Variants in FAM83C observed in about 807,000 individuals in gnomAD.
FAM83C encodes the protein protein FAM83C.
FAM83C carries 23 observed loss-of-function variants against 27.1 expected under a neutral mutation model. The observed-to-expected ratio is 0.85, with a 90% CI of 0.61 to 1.20. The LOEUF (loss-of-function observed/expected upper bound fraction) is 1.20, where lower values mean the gene tolerates loss of function less well. Ranked by LOEUF, FAM83C falls within the 50% of genes most tolerant of loss-of-function variation. FAM83C has a pLI of 0.00. For missense variants in FAM83C, 984 were observed against 1,001.3 expected, an observed-to-expected ratio of 0.98 and a Z score of 0.23; for synonymous variants, 426 against 423.1, an observed-to-expected ratio of 1.01 and a Z score of -0.09.
In FAM83C at chr20:35,286,394, A is replaced by T; in HGVS notation, c.*141T>A. ...GTGTGTGTGTGTGTGTGTACACAAGAATCTTGAGCCCAGAGAGTGTGTCTG... is the reference window on the plus strand; with the variant it reads ...GTGTGTGTGTGTGTGTGTACACAAGTATCTTGAGCCCAGAGAGTGTGTCTG... On this transcript the variant is annotated 3_prime_UTR_variant, in exon 4 of 4. Coordinates refer to ENST00000374408, the MANE Select transcript of FAM83C (RefSeq NM_178468.6). 9.0e-6 allele frequency: 6 copies of T among 667,184 alleles called. No homozygotes were observed. Among genetic ancestry groups the T allele is most frequent in the South Asian group, 1.9e-5 (1 of 51,876 alleles). The allele number at this position is 667,184 out of a possible 1,614,324, so 41.3% of individuals were successfully genotyped here.
rs1417506234 is a variant in FAM83C, at chr20:35,286,353, G to T, written c.*182C>A. On this transcript the variant is annotated 3_prime_UTR_variant, in exon 4 of 4. Coordinates refer to ENST00000374408, the MANE Select transcript of FAM83C (RefSeq NM_178468.6). ...CCTAGATTCAAGAAGATACTAGTTA[G>T]GGTGTGTGTGTGTGTGTGTGTGTGT... is the stretch of plus-strand genomic sequence containing the variant. The T allele has an allele frequency of 8.3e-6, 5 of 599,778 alleles. No individual in the cohort carries two copies. The highest frequency in any genetic ancestry group is 1.1e-5 in the Non-Finnish European group (4 of 348,160). 37.2% of individuals were successfully genotyped at this position (599,778 alleles called of 1,614,324 possible).
Position 35,287,454 on chromosome 20 carries a change from C to A in FAM83C, c.1325G>T (p.Gly442Val). Reference sequence around the variant, plus strand: ...CCGGGAGCGAGGAAGCAGAGGTGACCCCACTGCCAAGGTTAAGGGGCTGGT... The same window carrying A: ...CCGGGAGCGAGGAAGCAGAGGTGACACCACTGCCAAGGTTAAGGGGCTGGT... ...NSTSPLTLAV[G>V]SPLLPRSRPL... Residue 442 changes from glycine to valine, a missense_variant, in exon 4 of 4, where the codon GGG (glycine) becomes GTG (valine). Physicochemically the swap from Gly to Val is moderately radical, Grantham distance 109. Transcript: ENST00000374408. 1 of 1,614,158 alleles carries A rather than the reference C, an allele frequency of 6.2e-7. No homozygotes were observed. Among genetic ancestry groups the A allele is most frequent in the Non-Finnish European group, 8.5e-7 (1 of 1,180,024 alleles).
rs2060826284 is a variant in FAM83C at position 35,286,616 on chromosome 20, G to A, written c.2163C>T (p.Thr721=). 1 of 1,614,108 alleles carries A rather than the reference G, an allele frequency of 6.2e-7. No homozygotes were observed. The highest frequency in any genetic ancestry group is 1.3e-5 in the African/African-American group (1 of 75,010). The change falls in exon 4 of 4, where the codon ACC becomes ACT. Residue 721 remains threonine (T), a synonymous_variant. Transcript: ENST00000374408. ...SDLVRDEKRL[T]LGHSKLDLIT... Reference sequence around the variant, plus strand: ...TGAGGTCCAGTTTGCTGTGACCCAGGGTCAGCCGTTTCTCATCCCTGACCA... The same window carrying A: ...TGAGGTCCAGTTTGCTGTGACCCAGAGTCAGCCGTTTCTCATCCCTGACCA...
At position 35,286,344 on chromosome 20, in the gene FAM83C, TACTA is replaced by T. The variant is rs1331608057; in HGVS notation, c.*187_*190del. On this transcript the variant is annotated 3_prime_UTR_variant, in exon 4 of 4. Coordinates refer to ENST00000374408, the MANE Select transcript of FAM83C (RefSeq NM_178468.6). The stretch of plus-strand genomic sequence containing the variant: ...GAAACACAGCCTAGATTCAAGAAGA[TACTA>T]GTTAGGGTGTGTGTGTGTGTGTGTG... 5.1e-6 allele frequency: 3 copies of T among 593,390 alleles called. No homozygotes were observed. The highest frequency in any genetic ancestry group is 6.4e-5 in the Admixed American group (2 of 31,116). The allele number at this position is 593,390 out of a possible 1,614,324, so 36.8% of individuals were successfully genotyped here. A position where few individuals can be genotyped will look rare whatever the true frequency, so the allele number is the denominator to read the frequency against.
Position 35,287,135 on chromosome 20 carries a change from TG to T in FAM83C, c.1643del (p.Pro548GlnfsTer40). On this transcript the variant is annotated frameshift_variant, in exon 4 of 4. Transcript: ENST00000374408. LOFTEE classifies it low-confidence loss of function (END_TRUNC). ...GATCCAGCTGGCTGTCGGCCTGGCT[TG>T]GGGACAACCTCCTGTCCTCTGGGGC... ...EQAPEDRRLS[P>X]SQADSQLDLL... is the part of the protein sequence containing the mutation. 1.2e-6 allele frequency: 2 copies of T among 1,604,478 alleles called. No individual in the cohort carries two copies. The highest frequency in any genetic ancestry group is 8.5e-7 in the Non-Finnish European group (1 of 1,178,514).
chr20:35,288,560 C>T lies in FAM83C; in HGVS notation c.707G>A (p.Gly236Glu), dbSNP rs1298327837. The change falls in exon 3 of 4, where the codon GGG (glycine) becomes GAG (glutamate). Residue 236 changes from glycine (G) to glutamate (E), a missense_variant. Gly to Glu is a moderately conservative substitution (Grantham distance 98, BLOSUM62 -2). Coordinates refer to ENST00000374408, the MANE Select transcript of FAM83C (RefSeq NM_178468.6). ...GCCAGCCTTGCTGCAGTATGTGTCC[C>T]CACACGTGCTCCGCACACGCATGTT... ...LPNMRVRSTCGDTYCSKAGRR... is the reference protein window; with the variant it reads ...LPNMRVRSTCEDTYCSKAGRR... 1 of 1,614,182 alleles carries T rather than the reference C, an allele frequency of 6.2e-7. No individual in the cohort carries two copies. The highest frequency in any genetic ancestry group is 1.1e-5 in the South Asian group (1 of 91,086).
At position 35,292,404 on chromosome 20, in the gene FAM83C, G is replaced by A. The variant is rs1242788358; in HGVS notation, c.-100C>T. On this transcript the variant is annotated 5_prime_UTR_variant, in exon 1 of 4. Transcript: ENST00000374408. ...AGACCAGCAGAACCGCCTTCTGCCC[G>A]CCCGCTCGCTGTGTGTGTGGCAGGG... 1.6e-5 allele frequency: 23 copies of A among 1,408,934 alleles called. No individual in the cohort carries two copies. Among genetic ancestry groups the A allele is most frequent in the South Asian group, 9.1e-5 (6 of 66,112 alleles). The allele number at this position is 1,408,934 out of a possible 1,614,324, so 87.3% of individuals were successfully genotyped here.
In FAM83C at chr20:35,292,168, C is replaced by T. The variant is rs758395522; in HGVS notation, c.137G>A (p.Arg46Gln). 1.3e-6 allele frequency: 2 copies of T among 1,597,132 alleles called. No individual in the cohort carries two copies. The highest frequency in any genetic ancestry group is 2.2e-5 in the East Asian group (1 of 44,828). The part of the protein sequence containing the change: ...PLVLRHSEAA[R>Q]LAADALLERG... ...CTCCAGGAGGGCGTCGGCCGCCAGC[C>T]GAGCCGCCTCGCTGTGCCGCAGCAC... is the stretch of plus-strand genomic sequence containing the variant. The change falls in exon 1 of 4, where the codon CGG becomes CAG. Residue 46 changes from arginine to glutamine, a missense_variant. By Grantham distance (43) the Arg-to-Gln change is conservative. Transcript: ENST00000374408.
At chr20:35,291,311 C>T (rs2060846213) in intron 1 of FAM83C, among the ~76,000 whole-genome samples, 1 of 152,242 alleles carries the variant, frequency 6.6e-6, no homozygotes, top group African/African-American at 2.4e-5. Flanking sequence ...TCCCCAAGCC[C>T]TGAGCTCTAT....
In FAM83C at chr20:35,292,169, G is replaced by T; in HGVS notation, c.136C>A (p.Arg46=). ...TCCAGGAGGGCGTCGGCCGCCAGCC[G>T]AGCCGCCTCGCTGTGCCGCAGCACC... is the stretch of plus-strand genomic sequence containing the variant. ...PLVLRHSEAA[R]LAADALLERG... Residue 46 remains arginine, a synonymous_variant, in exon 1 of 4, where the codon CGG becomes AGG. Coordinates refer to ENST00000374408, the MANE Select transcript of FAM83C (RefSeq NM_178468.6). 2.5e-6 allele frequency: 4 copies of T among 1,597,170 alleles called. No individual in the cohort carries two copies. Among genetic ancestry groups the T allele is most frequent in the Non-Finnish European group, 2.5e-6 (3 of 1,179,086 alleles).
rs1198061247 is a variant in FAM83C at position 35,287,881 on chromosome 20, G to C, written c.898C>G (p.Leu300Val). Residue 300 changes from leucine (L) to valine (V), a missense_variant, in exon 4 of 4, where the codon CTG becomes GTG. By Grantham distance (32) the Leu-to-Val change is conservative. Coordinates refer to ENST00000374408, the MANE Select transcript of FAM83C (RefSeq NM_178468.6). ...VEDFDREFRC[L>V]YAESQPVEGF... ...TCCACAGGCTGCGACTCAGCGTACA[G>C]ACAGCGGAACTCCCGGTCAAAGTCT... 2 of 1,560,566 alleles carry C rather than the reference G, an allele frequency of 1.3e-6. No homozygotes were observed. The highest frequency in any genetic ancestry group is 1.7e-6 in the Non-Finnish European group (2 of 1,151,710).
chr20:35,292,021 T>A lies in FAM83C; in HGVS notation c.284A>T (p.Gln95Leu). Residue 95 changes from glutamine to leucine, a missense_variant, in exon 1 of 4, where the codon CAG (glutamine) becomes CTG (leucine). Transcript: ENST00000374408. ...GTCTGGCCCGGAGGCCTCCTGCCCC[T>A]GAGCCTCGCTGAGCTCAGGGCCCCC... ...VRGGPELSEAQGQEASGPDRL... is the reference protein window; with the variant it reads ...VRGGPELSEALGQEASGPDRL... 1 of 1,613,478 alleles carries A rather than the reference T, an allele frequency of 6.2e-7. No individual in the cohort carries two copies. The highest frequency in any genetic ancestry group is 8.5e-7 in the Non-Finnish European group (1 of 1,179,954).
chr20:35,287,563 G>C lies in FAM83C; in HGVS notation c.1216C>G (p.Pro406Ala). The change falls in exon 4 of 4, where the codon CCT becomes GCT. Residue 406 changes from proline to alanine, a missense_variant. Transcript: ENST00000374408. Reference protein sequence around the residue: ...RQLSDPNHGSPPGLYRANLGK... With the variant: ...RQLSDPNHGSAPGLYRANLGK... ...AGATTGGCCCTATAGAGCCCAGGAGGGGAGCCGTGGTTAGGGTCTGACAGT... is the reference window on the plus strand; with the variant it reads ...AGATTGGCCCTATAGAGCCCAGGAGCGGAGCCGTGGTTAGGGTCTGACAGT... The C allele has an allele frequency of 1.2e-6, 2 of 1,614,138 alleles. No individual in the cohort carries two copies. The highest frequency in any genetic ancestry group is 1.1e-5 in the South Asian group (1 of 91,076).
chr20:35,291,322 G>A (rs751431085), intron 1 of FAM83C, among the ~76,000 whole-genome samples: 1 of 152,224 alleles, frequency 6.6e-6, no homozygotes, highest in African/African-American at 2.4e-5. Flanking sequence ...TGAGCTCTAT[G>A]TCACCATATG....
Position 35,288,856 on chromosome 20 carries a change from G to C in FAM83C, c.616C>G (p.Gln206Glu). The change falls in exon 2 of 4, where the codon CAG (glutamine) becomes GAG (glutamate). Residue 206 changes from glutamine to glutamate, a missense_variant. Coordinates refer to ENST00000374408, the MANE Select transcript of FAM83C (RefSeq NM_178468.6). ...TCCAGGAAGTGCCTCAGGTGCTCCT[G>C]GGCAAGGAGCAGGTACACAGGGACA... is the stretch of plus-strand genomic sequence containing the variant. ...RGVPVYLLLAQEHLRHFLEMC... is the reference protein window; with the variant it reads ...RGVPVYLLLAEEHLRHFLEMC... The C allele has an allele frequency of 3.7e-6, 6 of 1,614,100 alleles. No individual in the cohort carries two copies. Among genetic ancestry groups the C allele is most frequent in the Non-Finnish European group, 5.1e-6 (6 of 1,179,986 alleles).
In FAM83C at chr20:35,287,689, C is replaced by T. The variant is rs150881578; in HGVS notation, c.1090G>A (p.Ala364Thr). ...SPLMGRSSYL[A>T]LPGGGDCSDT... ...CTGCAATCACCACCTCCTGGTAGAG[C>T]GAGGTAGGAGGAGCGACCCATAAGC... The change falls in exon 4 of 4, where the codon GCT becomes ACT. Residue 364 changes from alanine (A) to threonine (T), a missense_variant. Transcript: ENST00000374408. The T allele has an allele frequency of 1.1e-3, 1,803 of 1,613,982 alleles. 4 individuals carry two copies. The highest frequency in any genetic ancestry group is 1.5e-3 in the South Asian group (136 of 91,070).
chr20:35,289,425 C>T (rs1229768672), intron 1 of FAM83C, among the ~76,000 whole-genome samples: 1 of 151,982 alleles, frequency 6.6e-6, no homozygotes, highest in Non-Finnish European at 1.5e-5. Flanking sequence ...ACTGCAACCT[C>T]TGCCTTCTGG....
intron 2 of FAM83C, 45 bp downstream of exon 2, chr20:35,288,746 A>G: frequency 7.0e-7 from 1 of 1,438,378 alleles, no homozygotes; most frequent in Non-Finnish European, 9.3e-7. Context: ...GCCCTCCCTG[A>G]CTCCCCGCCC....
Position 35,286,958 on chromosome 20 carries a change from T to C in FAM83C, c.1821A>G (p.Arg607=). 1 of 1,613,634 alleles carries C rather than the reference T, an allele frequency of 6.2e-7. No individual in the cohort carries two copies. Among genetic ancestry groups the C allele is most frequent in the South Asian group, 1.1e-5 (1 of 91,090 alleles). ...CTGAGGAGTTGGTTTCAAGGGGCAC[T>C]CTGGAACCCTGGGCCTTGGGGTACT... ...LMQYPKAQGS[R]VPLETNSSAR... Residue 607 remains arginine, a synonymous_variant, in exon 4 of 4, where the codon AGA becomes AGG. Transcript: ENST00000374408.
Sources: gnomAD v4.1 joint callset for allele counts (sites outside exome capture counted in the v4.1 genomes callset) on GRCh38, gnomAD v4.1.1 for gene constraint, MANE v1.5 for transcripts, NCBI Gene and HGNC (gene_info 2026-07-23, HGNC 2026-07-21) for gene names.